The following CRTC3 variants were observed in gnomAD, a reference collection of about 807,000 sequenced individuals.
The protein encoded by CRTC3 is CREB regulated transcription coactivator 3, also known as CREB-regulated transcription coactivator 3.
Under a neutral mutation model 74.5 loss-of-function variants are expected in CRTC3, and 26 were observed. The ratio of observed to expected loss-of-function variants is 0.35; its 90% CI spans 0.26 to 0.48. CRTC3 has a LOEUF of 0.48. Among genes scored for constraint, CRTC3 ranks in the 20% least tolerant of loss-of-function variants. The probability of loss-of-function intolerance (pLI) is 0.99; values close to 1 mark genes in which losing one functional copy is unlikely to be tolerated. For missense variants in CRTC3, 760 were observed against 787.3 expected (o/e 0.97, Z 0.41); for synonymous variants, 377 against 325.8 (o/e 1.16, Z -1.69).
intron 9 of CRTC3, among the ~76,000 whole-genome samples, chr15:90,622,830 G>A (rs529870311): frequency 6.7e-6 from 1 of 149,340 alleles, no homozygotes; most frequent in Non-Finnish European, 1.5e-5. Flanking sequence ...CAGCCTGGGC[G>A]ACAGAGCAAG....
intron 2 of CRTC3, among the ~76,000 whole-genome samples, chr15:90,589,735 C>T (rs1967755538): frequency 6.6e-6 from 1 of 152,194 alleles, no homozygotes; most frequent in African/African-American, 2.4e-5. Flanking sequence ...CCCTGTAATC[C>T]TAGTACTTTG....
chr15:90,533,080 A>G (rs1349365069), intron 1 of CRTC3, among the ~76,000 whole-genome samples: 46 of 48,180 alleles, frequency 9.5e-4, no homozygotes, highest in Middle Eastern at 0.016. Context: ...GCAAGACTTC[A>G]TCTCAAAAAA....
At chr15:90,601,336 G>A (rs1045582719) in intron 3 of CRTC3, among the ~76,000 whole-genome samples, 1 of 152,076 alleles carries the variant, frequency 6.6e-6, no homozygotes. Flanking sequence ...CACATCTAAT[G>A]CGCCTCTTTT....
chr15:90,553,819 T>C (rs1966868901), intron 2 of CRTC3, among the ~76,000 whole-genome samples: 1 of 152,196 alleles, frequency 6.6e-6, no homozygotes, highest in East Asian at 1.9e-4. Flanking sequence ...GCCAGTAAAG[T>C]TGGAAGAGAT....
rs146102854 is a variant in CRTC3 at position 90,607,105 on chromosome 15, C to A, written c.477-273C>A. ...AAGCTCTTAGACGGAAGCCATGAAT[C>A]CGAGGCCCACCTTGTTGAACTTGAT... On this transcript the variant is annotated intron_variant, in intron 5 of 14. Transcript: ENST00000268184. Among the ~76,000 whole-genome samples the A allele has an allele frequency of 3.2e-3, 485 of 152,322 alleles. 3 individuals carry two copies. Among genetic ancestry groups the A allele is most frequent in the African/African-American group, 0.011 (474 of 41,570 alleles).
intron 2 of CRTC3, among the ~76,000 whole-genome samples, chr15:90,558,913 G>C (rs8040777): frequency 3.3e-5 from 5 of 151,624 alleles, no homozygotes; most frequent in African/African-American, 9.7e-5. Flanking sequence ...TACCACGCCC[G>C]GCTAATTTTT....
intron 2 of CRTC3, among the ~76,000 whole-genome samples, chr15:90,548,516 C>T (rs931155029): frequency 2.0e-5 from 3 of 152,174 alleles, no homozygotes; most frequent in Admixed American, 6.5e-5. Flanking sequence ...TCTTTGACTT[C>T]CAGTTCCATT....
At chr15:90,641,449 G>A (rs1394993593) in intron 14 of CRTC3, among the ~76,000 whole-genome samples, 4 of 152,166 alleles carry the variant, frequency 2.6e-5, no homozygotes, top group African/African-American at 7.2e-5. Context: ...TGTAATCCCA[G>A]CACTTTGGGA....
intron 2 of CRTC3, among the ~76,000 whole-genome samples, chr15:90,585,461 A>AT (rs11287839): frequency 1.8e-3 from 271 of 151,140 alleles, no homozygotes; most frequent in African/African-American, 5.9e-3. Flanking sequence ...ATTCCTTAAT[A>AT]TTTTTTTTTT....
At chr15:90,544,606 A>G (rs940767068) in intron 2 of CRTC3, among the ~76,000 whole-genome samples, 1 of 152,240 alleles carries the variant, frequency 6.6e-6, no homozygotes, top group African/African-American at 2.4e-5. Context: ...AATATTCTAT[A>G]AACATTCACA....
intron 2 of CRTC3, among the ~76,000 whole-genome samples, chr15:90,540,630 A>G (rs1364642978): frequency 6.6e-6 from 1 of 151,962 alleles, no homozygotes; most frequent in Non-Finnish European, 1.5e-5. Flanking sequence ...AAAATTAGCT[A>G]GGTGTGGTGG....
chr15:90,532,288 A>C (rs1269965106), intron 1 of CRTC3, among the ~76,000 whole-genome samples: 1 of 152,226 alleles, frequency 6.6e-6, no homozygotes, highest in Non-Finnish European at 1.5e-5. Context: ...TCATGAAGAA[A>C]TCACAAAATT....
chr15:90,554,244 C>T (rs1966871619), intron 2 of CRTC3, among the ~76,000 whole-genome samples: 1 of 151,176 alleles, frequency 6.6e-6, no homozygotes, highest in African/African-American at 2.4e-5. Context: ...TGCTCTGTCA[C>T]CCAGGCTGGA....
At chr15:90,620,145 G>A (rs891496737) in intron 9 of CRTC3, 3 of 261,758 alleles carry the variant, frequency 1.1e-5, no homozygotes, top group African/African-American at 2.3e-5. Context: ...TGTGGGCATC[G>A]GTGACATCCT....
intron 2 of CRTC3, among the ~76,000 whole-genome samples, chr15:90,565,644 G>A (rs1434845832): frequency 1.3e-5 from 2 of 152,140 alleles, no homozygotes; most frequent in Non-Finnish European, 2.9e-5. Flanking sequence ...TGTCTCTGTT[G>A]CATTTCAGTA....
intron 2 of CRTC3, among the ~76,000 whole-genome samples, chr15:90,566,318 G>A (rs1332460651): frequency 1.3e-5 from 2 of 152,192 alleles, no homozygotes; most frequent in Admixed American, 6.5e-5. Context: ...GGGAGGCTGA[G>A]GTGGGTGGAT....
intron 2 of CRTC3, among the ~76,000 whole-genome samples, chr15:90,587,879 G>A (rs879494055): frequency 2.0e-5 from 3 of 151,828 alleles, no homozygotes; most frequent in African/African-American, 4.8e-5. Flanking sequence ...CTCCCAAAGT[G>A]CTGGGATTAC....
At chr15:90,604,836 G>A (rs954290817) in intron 5 of CRTC3, among the ~76,000 whole-genome samples, 3 of 152,184 alleles carry the variant, frequency 2.0e-5, no homozygotes, top group African/African-American at 4.8e-5. Context: ...CCAGACTCCA[G>A]GAGTAAGAGT....
chr15:90,619,399 G>A (rs532780529), intron 8 of CRTC3, among the ~76,000 whole-genome samples: 2 of 152,336 alleles, frequency 1.3e-5, no homozygotes, highest in African/African-American at 4.8e-5. Flanking sequence ...GGAGGTTGCT[G>A]TGAGCTGAGA....
Sources: gnomAD v4.1 joint callset for allele counts (sites outside exome capture counted in the v4.1 genomes callset) on GRCh38, gnomAD v4.1.1 for gene constraint, MANE v1.5 for transcripts, NCBI Gene and HGNC (gene_info 2026-07-23, HGNC 2026-07-21) for gene names.